The following CYSLTR1 variants were observed in gnomAD, a reference collection of about 807,000 sequenced individuals.
The protein encoded by CYSLTR1 is G-protein coupled receptor HG55.
Under a neutral mutation model 2.1 loss-of-function variants are expected in CYSLTR1, and 1 was observed. The ratio of observed to expected loss-of-function variants is 0.48; its 90% CI spans 0.17 to 2.28. The LOEUF (loss-of-function observed/expected upper bound fraction) is 2.28, where lower values mean the gene tolerates loss of function less well. Among genes scored for constraint, CYSLTR1 ranks in the 30% most tolerant of loss-of-function variants. The pLI, the probability that CYSLTR1 is intolerant of heterozygous loss-of-function variation, is 0.26. For synonymous variants in CYSLTR1, 110 were observed against 89.6 expected (o/e 1.23, Z -1.28); for missense variants, 299 against 250.1 (o/e 1.20, Z -1.32).
At chrX:78,306,473 G>A (rs906674087) in intron 1 of CYSLTR1, among the ~76,000 whole-genome samples, 1 of 111,206 alleles carries the variant, frequency 9.0e-6, no homozygotes, top group Non-Finnish European at 1.9e-5. Flanking sequence ...CTCCATTGAG[G>A]GTTTTTAGTT....
Position 78,319,012 on chromosome X carries a change from A to G in CYSLTR1, c.-115+8293T>C, listed in dbSNP as rs781204437. 3 of 109,857 alleles carry G rather than the reference A, an allele frequency of 2.7e-5. No homozygotes were observed. The South Asian group carries it at 1.2e-3, about 43-fold the overall frequency. 9.1% of individuals were successfully genotyped at this position (109,857 alleles called of 1,213,427 possible). On this transcript the variant is annotated intron_variant, in intron 1 of 2. Coordinates refer to ENST00000373304, the MANE Select transcript of CYSLTR1 (RefSeq NM_006639.4). ...GTGAACCTGGCAAATTTATACTTAT[A>G]CTTCAAGATTTAGGTTGAAGTTATC... is the stretch of plus-strand genomic sequence containing the variant.
rs1269924035 is a variant in CYSLTR1, at chrX:78,272,496, TG to T, written c.*236del. 3.9e-6 allele frequency: 1 copy of T among 255,512 alleles called. No individual in the cohort carries two copies. The allele number at this position is 255,512 out of a possible 1,213,427, so 21.1% of individuals were successfully genotyped here. A position where few individuals can be genotyped will look rare whatever the true frequency, so the allele number is the denominator to read the frequency against. On this transcript the variant is annotated 3_prime_UTR_variant, in exon 3 of 3. Coordinates refer to ENST00000373304, the MANE Select transcript of CYSLTR1 (RefSeq NM_006639.4). The stretch of plus-strand genomic sequence containing the variant: ...AAAGATAAAAATATTCTCCAAATTC[TG>T]GTGAGTGGTCAAAATTATTTATAAT...
At chrX:78,281,376 C>T (rs1426189743) in intron 2 of CYSLTR1, among the ~76,000 whole-genome samples, 1 of 110,572 alleles carries the variant, frequency 9.0e-6, no homozygotes. Flanking sequence ...AAGCTATTCT[C>T]CCACCTCAGC....
At chrX:78,286,433 G>A (rs1922077768) in intron 1 of CYSLTR1, among the ~76,000 whole-genome samples, 1 of 111,571 alleles carries the variant, frequency 9.0e-6, no homozygotes, top group Non-Finnish European at 1.9e-5. Flanking sequence ...CTCTATATGG[G>A]CATGTTTTCA....
At chrX:78,289,572 C>T (rs954098906) in intron 1 of CYSLTR1, among the ~76,000 whole-genome samples, 2 of 112,058 alleles carry the variant, frequency 1.8e-5, no homozygotes, top group East Asian at 2.8e-4. Context: ...AAAGTACACT[C>T]CCACCAACAG....
rs773325766 is a variant in CYSLTR1, at chrX:78,324,349, T to A, written c.-115+2956A>T. Among the ~76,000 whole-genome samples, 4 of 112,396 alleles carry A rather than the reference T, an allele frequency of 3.6e-5. No homozygotes were observed. In the East Asian group the frequency reaches 1.1e-3, roughly 31 times the overall value. ...CTTCTTGCTATGAGTCTATCAGACT[T>A]CTTAGCAGTTTTTTGTTTGTTTGTT... On this transcript the variant is annotated intron_variant, in intron 1 of 2. Transcript: ENST00000373304.
At chrX:78,303,360 T>C (rs943124234) in intron 1 of CYSLTR1, among the ~76,000 whole-genome samples, 2 of 111,125 alleles carry the variant, frequency 1.8e-5, no homozygotes, top group African/African-American at 6.6e-5. Context: ...TCTTTCAGCA[T>C]TACAAAGTTA....
In CYSLTR1 at chrX:78,318,040, T is replaced by A. The variant is rs1008418387; in HGVS notation, c.-115+9265A>T. ...CACAGTAACCCCATTACTGGGTATA[T>A]ACCTGAAGGAATATAAATTCTTCTA... is the stretch of plus-strand genomic sequence containing the variant. On this transcript the variant is annotated intron_variant, in intron 1 of 2. Transcript: ENST00000373304. 7.1e-5 allele frequency among the ~76,000 whole-genome samples: 8 copies of A among 112,356 alleles called. 1 individual carries two copies. In the South Asian group the frequency reaches 2.9e-3, roughly 41 times the overall value.
At chrX:78,296,902 C>T (rs1311699598) in intron 1 of CYSLTR1, among the ~76,000 whole-genome samples, 1 of 111,052 alleles carries the variant, frequency 9.0e-6, no homozygotes, top group Non-Finnish European at 1.9e-5. Context: ...TTTCTGATTG[C>T]TCTAGCTAGG....
chrX:78,319,958 T>C (rs1481309316), intron 1 of CYSLTR1: 4 of 111,854 alleles, frequency 3.6e-5, no homozygotes, highest in Admixed American at 9.4e-5. Context: ...TTTGATGGGG[T>C]TGTTTTTTTC....
chrX:78,277,175 T>A (rs1355857160), intron 2 of CYSLTR1, among the ~76,000 whole-genome samples: 1 of 111,114 alleles, frequency 9.0e-6, no homozygotes, highest in East Asian at 2.8e-4. Flanking sequence ...AGTAGCTTCA[T>A]CCTTTGTTGG....
At chrX:78,288,769 AG>A (rs1260742114) in intron 1 of CYSLTR1, among the ~76,000 whole-genome samples, 3 of 111,044 alleles carry the variant, frequency 2.7e-5, no homozygotes, top group African/African-American at 9.8e-5. Flanking sequence ...TATTCACTAT[AG>A]TCACTCTGTT....
intron 1 of CYSLTR1, among the ~76,000 whole-genome samples, chrX:78,311,632 A>T (rs1923222296): frequency 8.9e-6 from 1 of 112,341 alleles, no homozygotes; most frequent in African/African-American, 3.2e-5. Context: ...AAAATTCAGT[A>T]AAGTTTCAGA....
rs1005201757 is a variant in CYSLTR1 at position 78,298,074 on chromosome X, T to C, written c.-114-14534A>G. Among the ~76,000 whole-genome samples, 5 of 111,329 alleles carry C rather than the reference T, an allele frequency of 4.5e-5. No individual in the cohort carries two copies. The South Asian group carries it at 1.5e-3, about 33-fold the overall frequency. ...CCCATAGGTTTTGGTATGTTGTGTT[T>C]CCATTATCGTTTGTTTCAAAAATTT... On this transcript the variant is annotated intron_variant, in intron 1 of 2. Coordinates refer to ENST00000373304, the MANE Select transcript of CYSLTR1 (RefSeq NM_006639.4).
intron 1 of CYSLTR1, among the ~76,000 whole-genome samples, chrX:78,316,224 C>G (rs931777585): frequency 5.3e-5 from 6 of 112,509 alleles, no homozygotes; most frequent in Non-Finnish European, 9.4e-5. Flanking sequence ...GAAGCCATCC[C>G]TGACTGTATG....
chrX:78,295,898 T>C (rs1922553987), intron 1 of CYSLTR1, among the ~76,000 whole-genome samples: 2 of 111,528 alleles, frequency 1.8e-5, no homozygotes, highest in African/African-American at 6.5e-5. Flanking sequence ...ATTTTTAACT[T>C]GATAGTATCC....
chrX:78,299,717 TTCTC>T (rs1006793086), intron 1 of CYSLTR1, among the ~76,000 whole-genome samples: 1 of 111,593 alleles, frequency 9.0e-6, no homozygotes, highest in African/African-American at 3.3e-5. Context: ...TTCATATCCT[TTCTC>T]TATCTTTGAC....
chrX:78,273,829 A>G (rs924968215), intron 2 of CYSLTR1, 56 bp from the exon 3 acceptor site: 11 of 999,996 alleles, frequency 1.1e-5, no homozygotes, highest in Admixed American at 3.1e-5. Flanking sequence ...TACAGGAAGT[A>G]CTAATGTTTT....
At chrX:78,296,476 A>C (rs1286188919) in intron 1 of CYSLTR1, among the ~76,000 whole-genome samples, 1 of 111,687 alleles carries the variant, frequency 9.0e-6, no homozygotes, top group Non-Finnish European at 1.9e-5. Context: ...GAATCTATAG[A>C]CTGCTTTGGG....
Sources: gnomAD v4.1 joint callset for allele counts (sites outside exome capture counted in the v4.1 genomes callset) on GRCh38, gnomAD v4.1.1 for gene constraint, MANE v1.5 for transcripts, NCBI Gene and HGNC (gene_info 2026-07-23, HGNC 2026-07-21) for gene names.